THADA: variants seen among roughly 807,000 people sequenced by gnomAD.
THADA encodes the protein THADA armadillo repeat containing.
THADA carries 213 observed loss-of-function variants against 219.8 expected under a neutral mutation model. The observed-to-expected ratio is 0.97, with a 90% CI of 0.87 to 1.09. THADA has a LOEUF of 1.09. Ranked by LOEUF, THADA falls within the 50% of genes least tolerant of loss-of-function variation. The pLI, the probability that THADA is intolerant of heterozygous loss-of-function variation, is 0.00. For missense variants in THADA, 2,956 were observed against 2,311.3 expected (o/e 1.28, Z -5.72); for synonymous variants, 1,018 against 828.9 (o/e 1.23, Z -3.92).
At position 43,232,846 on chromosome 2, in the gene THADA, A is replaced by G; in HGVS notation, c.5333T>C (p.Leu1778Pro). The change falls in exon 37 of 38, where the codon CTG becomes CCG. Residue 1778 changes from leucine to proline, a missense_variant. Physicochemically the swap from Leu to Pro is moderately conservative, Grantham distance 98 (BLOSUM62 -3). Transcript: ENST00000405975. The stretch of plus-strand genomic sequence containing the variant: ...ACACAGGACGGCCAGGGCCAGGGCC[A>G]GAGCGATGGAGGCATCCACCTGGCA... ...AFCQVDASIA[L>P]ALALAVLCDL... 5.0e-6 allele frequency: 8 copies of G among 1,611,854 alleles called. No homozygotes were observed. Among genetic ancestry groups the G allele is most frequent in the Non-Finnish European group, 6.8e-6 (8 of 1,179,182 alleles).
Position 43,541,247 on chromosome 2 carries a change from T to A in THADA, c.3176A>T (p.Glu1059Val). The A allele has an allele frequency of 6.2e-7, 1 of 1,612,354 alleles. No individual in the cohort carries two copies. Residue 1059 changes from glutamate (E) to valine (V), a missense_variant, in exon 21 of 38, where the codon GAA becomes GTA. By Grantham distance (121) the Glu-to-Val change is moderately radical (BLOSUM62 -2). Transcript: ENST00000405975. ...VLVCCWRSMK[E>V]VALLLGMLCQ... ...CAACATGCCTAAAAGTAAAGCAACT[T>A]CCTTCATACTTCTCCAACAACATAC...
chr2:43,559,897 C>A (rs955532049), intron 16 of THADA, among the ~76,000 whole-genome samples: 4 of 152,254 alleles, frequency 2.6e-5, no homozygotes, highest in East Asian at 1.9e-4. Context: ...GTGTTCTGAT[C>A]GAATATTACA....
In THADA at chr2:43,344,109, G is replaced by T; in HGVS notation, c.4343+13C>A. 2 of 1,580,566 alleles carry T rather than the reference G, an allele frequency of 1.3e-6. No homozygotes were observed. Among genetic ancestry groups the T allele is most frequent in the South Asian group, 2.3e-5 (2 of 87,660 alleles). On this transcript the variant is annotated intron_variant, in intron 30 of 37. Coordinates refer to ENST00000405975, the MANE Select transcript of THADA (RefSeq NM_022065.5). ...CCCTGATAACTCCTTGCTCATGTGG[G>T]ATTTTAACATACCTCTTGGCCAGCC...
chr2:43,250,730 GTAAAA>G (rs989525375), intron 36 of THADA, among the ~76,000 whole-genome samples: 5 of 150,892 alleles, frequency 3.3e-5, no homozygotes, highest in Non-Finnish European at 4.4e-5. Context: ...ATAAAATACA[GTAAAA>G]TAAAATAAAA....
At chr2:43,493,265 G>T (rs1341917142) in intron 25 of THADA, among the ~76,000 whole-genome samples, 1 of 152,218 alleles carries the variant, frequency 6.6e-6, no homozygotes, top group Non-Finnish European at 1.5e-5. Flanking sequence ...GGGAGGACAA[G>T]GCGGGTGGAT....
At chr2:43,360,690 G>A (rs762569156) in intron 29 of THADA, among the ~76,000 whole-genome samples, 3 of 152,152 alleles carry the variant, frequency 2.0e-5, no homozygotes, top group Admixed American at 6.5e-5. Context: ...TAAGCAACCA[G>A]TCACCCACCC....
At chr2:43,326,745 C>G (rs1361406481) in intron 30 of THADA, among the ~76,000 whole-genome samples, 1 of 152,092 alleles carries the variant, frequency 6.6e-6, no homozygotes, top group East Asian at 1.9e-4. Context: ...CAGTGGGATC[C>G]CATAAGCTCA....
chr2:43,560,130 T>C, intron 16 of THADA, 104 bp downstream of exon 16: 2 of 967,088 alleles, frequency 2.1e-6, no homozygotes, highest in Non-Finnish European at 2.9e-6. Context: ...TCCAAAAACA[T>C]GAGCAGGCAG....
At chr2:43,234,091 A>G (rs1292983110) in intron 36 of THADA, among the ~76,000 whole-genome samples, 5 of 152,150 alleles carry the variant, frequency 3.3e-5, no homozygotes, top group Non-Finnish European at 7.4e-5. Flanking sequence ...CTGAGGGCCT[A>G]GTGAGTGCCA....
In THADA at chr2:43,514,261, G is replaced by A. The variant is rs548802420; in HGVS notation, c.3375-5481C>T. On this transcript the variant is annotated intron_variant, in intron 22 of 37. Transcript: ENST00000405975. ...GCTCTGGAGTTTGAGACCAGCCTGGGCAACATGGTGAAACACTATCTCTAC... is the reference window on the plus strand; with the variant it reads ...GCTCTGGAGTTTGAGACCAGCCTGGACAACATGGTGAAACACTATCTCTAC... Among the ~76,000 whole-genome samples, 268 of 150,488 alleles carry A rather than the reference G, an allele frequency of 1.8e-3. 2 individuals are homozygous for A. Among genetic ancestry groups the A allele is most frequent in the African/African-American group, 6.1e-3 (250 of 41,060 alleles).
intron 28 of THADA, among the ~76,000 whole-genome samples, chr2:43,423,004 C>T (rs1045544611): frequency 4.6e-5 from 7 of 152,168 alleles, no homozygotes; most frequent in Non-Finnish European, 7.3e-5. Context: ...ATGACAACAA[C>T]GAAAAGAATC....
At chr2:43,585,410 T>TG (rs1178010710) in intron 7 of THADA, among the ~76,000 whole-genome samples, 1 of 150,342 alleles carries the variant, frequency 6.7e-6, no homozygotes, top group Non-Finnish European at 1.5e-5. Flanking sequence ...CCCAGCTACT[T>TG]GGGAGACTGA....
chr2:43,529,424 C>T (rs1693590993), intron 21 of THADA, among the ~76,000 whole-genome samples: 1 of 152,188 alleles, frequency 6.6e-6, no homozygotes, highest in African/African-American at 2.4e-5. Context: ...CTGTGCACTA[C>T]AGTCTCCAAC....
chr2:43,494,294 C>T (rs1008827030), intron 25 of THADA, among the ~76,000 whole-genome samples: 2 of 152,188 alleles, frequency 1.3e-5, no homozygotes, highest in Non-Finnish European at 2.9e-5. Flanking sequence ...GTTAAGGTTC[C>T]CTTGGTAATA....
chr2:43,579,635 G>C (rs1370145636), intron 8 of THADA, among the ~76,000 whole-genome samples: 1 of 152,190 alleles, frequency 6.6e-6, no homozygotes, highest in Non-Finnish European at 1.5e-5. Context: ...TGCAACTAAA[G>C]GTAGGCATAT....
At chr2:43,239,458 G>C (rs1668396390) in intron 36 of THADA, among the ~76,000 whole-genome samples, 1 of 152,222 alleles carries the variant, frequency 6.6e-6, no homozygotes, top group African/African-American at 2.4e-5. Context: ...CCCCCCACTA[G>C]GGGAAGTGAT....
intron 26 of THADA, among the ~76,000 whole-genome samples, chr2:43,463,680 A>C (rs1459356371): frequency 1.3e-5 from 2 of 150,246 alleles, no homozygotes; most frequent in African/African-American, 5.0e-5. Context: ...CAAATGTTAC[A>C]TTTACTAAAG....
intron 14 of THADA, among the ~76,000 whole-genome samples, chr2:43,569,742 G>A (rs368779208): frequency 6.6e-6 from 1 of 152,034 alleles, no homozygotes; most frequent in Non-Finnish European, 1.5e-5. Context: ...TTCTGTCTGG[G>A]CCTGAGGAGC....
At chr2:43,314,022 G>C (rs1162067072) in intron 31 of THADA, among the ~76,000 whole-genome samples, 2 of 152,236 alleles carry the variant, frequency 1.3e-5, no homozygotes, top group African/African-American at 4.8e-5. Context: ...TTGGCATAGA[G>C]ATAGATGCTC....
Sources: allele counts gnomAD v4.1 joint callset (sites outside exome capture counted in the v4.1 genomes callset), GRCh38; gene constraint gnomAD v4.1.1; transcripts MANE v1.5; gene names NCBI Gene and HGNC (gene_info 2026-07-23, HGNC 2026-07-21).